The following PPP1R10 variants were observed in gnomAD, a reference collection of about 807,000 sequenced individuals.
PPP1R10 encodes serine/threonine-protein phosphatase 1 regulatory subunit 10.
A neutral mutation model predicts 99.0 loss-of-function variants in PPP1R10; 15 were observed. The ratio of observed to expected loss-of-function variants is 0.15; its 90% CI spans 0.10 to 0.23. The LOEUF (loss-of-function observed/expected upper bound fraction) is 0.23. Among genes scored for constraint, PPP1R10 ranks in the 10% least tolerant of loss-of-function variants. PPP1R10 has a pLI of 1.00. For missense variants in PPP1R10, 947 were observed against 1,259.4 expected, an observed-to-expected ratio of 0.75 and a Z score of 3.75; for synonymous variants, 430 against 449.5, an observed-to-expected ratio of 0.96 and a Z score of 0.55.
At chr6:30,605,337 C>T (rs564883977) in intron 10 of PPP1R10, among the ~76,000 whole-genome samples, 2 of 152,106 alleles carry the variant, frequency 1.3e-5, no homozygotes, top group South Asian at 2.1e-4. Context: ...AGGTAGCTGA[C>T]GAAGTGAGCC....
In PPP1R10 at chr6:30,609,997, G is replaced by T; in HGVS notation, c.-11-42C>A. Reference sequence around the variant, plus strand: ...AAACAAACAAACCCACAGAATAAATGGGTGGCAAGGACTACCCGAGTAGGC... The same window carrying T: ...AAACAAACAAACCCACAGAATAAATTGGTGGCAAGGACTACCCGAGTAGGC... On this transcript the variant is annotated intron_variant, in intron 2 of 19. Transcript: ENST00000376511. This position sits in a 1 kb window ranked among gnomAD's most constrained non-coding sequence, Gnocchi z 4.5. 7.1e-7 allele frequency: 1 copy of T among 1,399,250 alleles called. No individual in the cohort carries two copies. Among genetic ancestry groups the T allele is most frequent in the Non-Finnish European group, 1.0e-6 (1 of 985,194 alleles). 86.7% of individuals were successfully genotyped at this position (1,399,250 alleles called of 1,614,324 possible).
chr6:30,609,016 G>A lies in PPP1R10; in HGVS notation c.194+61C>T. On this transcript the variant is annotated intron_variant, in intron 4 of 19. Transcript: ENST00000376511. The surrounding 1 kb of genome is among the most constrained non-coding windows in gnomAD (Gnocchi z 4.5). ...CCCATCAATGACCGAGGAACCCCAT[G>A]CCTCACCGCCCCATCTTTTCGCTAC... 1.8e-5 allele frequency: 29 copies of A among 1,610,556 alleles called. No individual in the cohort carries two copies. Among genetic ancestry groups the A allele is most frequent in the Non-Finnish European group, 2.5e-5 (29 of 1,176,958 alleles).
chr6:30,602,976 G>A lies in PPP1R10; in HGVS notation c.1844-17C>T. 2.6e-6 allele frequency: 4 copies of A among 1,527,028 alleles called. No individual in the cohort carries two copies. Among genetic ancestry groups the A allele is most frequent in the South Asian group, 2.5e-5 (2 of 81,332 alleles). 94.6% of individuals were successfully genotyped at this position (1,527,028 alleles called of 1,614,324 possible). A position where few individuals can be genotyped will look rare whatever the true frequency, so the allele number is the denominator to read the frequency against. The stretch of plus-strand genomic sequence containing the variant: ...CATGTGGCACTGTTAATGAAAACAA[G>A]AGTAACACAGCATGAGCACTCTAGA... On this transcript the variant is annotated splice_polypyrimidine_tract_variant and intron_variant, in intron 17 of 19. Coordinates refer to ENST00000376511, the MANE Select transcript of PPP1R10 (RefSeq NM_002714.4). This position sits in a 1 kb window ranked among gnomAD's most constrained non-coding sequence, Gnocchi z 6.7.
chr6:30,606,073 A>G lies in PPP1R10; in HGVS notation c.741-38T>C. ...GAACTGTCATCAACATCTCCGACTC[A>G]CCCCCTCCTGCTCCCTTGTGTCCAC... On this transcript the variant is annotated intron_variant, in intron 9 of 19. Transcript: ENST00000376511. This position sits in a 1 kb window ranked among gnomAD's most constrained non-coding sequence, Gnocchi z 6.3. The G allele has an allele frequency of 1.2e-6, 2 of 1,612,072 alleles. No homozygotes were observed. Among genetic ancestry groups the G allele is most frequent in the Non-Finnish European group, 1.7e-6 (2 of 1,178,584 alleles).
rs747871891 is a variant in PPP1R10 at position 30,602,224 on chromosome 6, CACT to C, written c.2422_2424del (p.Ser808del). 3.5e-5 allele frequency: 56 copies of C among 1,611,316 alleles called. No individual in the cohort carries two copies. The highest frequency in any genetic ancestry group is 1.9e-4 in the African/African-American group (14 of 74,716). ...TCATGGGGACGATGGCCACTGCCAC[CACT>C]GATGCCACCGCCAGGGCCTTCGTGG... On this transcript the variant is annotated inframe_deletion, in exon 19 of 20. Coordinates refer to ENST00000376511, the MANE Select transcript of PPP1R10 (RefSeq NM_002714.4). The surrounding 1 kb of genome is among the most constrained non-coding windows in gnomAD (Gnocchi z 6.7).
At position 30,601,435 on chromosome 6, in the gene PPP1R10, G is replaced by A. The variant is rs1294216945; in HGVS notation, c.*114C>T. ...CAAGCAAGTGGGAACTGAGGGGGCC[G>A]GCTCCTCATCAGCTGGGGAAAAGGG... On this transcript the variant is annotated 3_prime_UTR_variant, in exon 20 of 20. Coordinates refer to ENST00000376511, the MANE Select transcript of PPP1R10 (RefSeq NM_002714.4). 3.6e-6 allele frequency: 3 copies of A among 840,444 alleles called. No homozygotes were observed. Among genetic ancestry groups the A allele is most frequent in the African/African-American group, 1.7e-5 (1 of 58,710 alleles). The allele number at this position is 840,444 out of a possible 1,614,324, so 52.1% of individuals were successfully genotyped here. A position where few individuals can be genotyped will look rare whatever the true frequency, so the allele number is the denominator to read the frequency against.
At position 30,602,799 on chromosome 6, in the gene PPP1R10, T is replaced by G. The variant is rs1561830101; in HGVS notation, c.1957+47A>C. ...AGTCAATCCTATACTATTATCAGACTGAAATTAAGCAGATAAGCCCATTCC... is the reference window on the plus strand; with the variant it reads ...AGTCAATCCTATACTATTATCAGACGGAAATTAAGCAGATAAGCCCATTCC... On this transcript the variant is annotated intron_variant, in intron 18 of 19. Coordinates refer to ENST00000376511, the MANE Select transcript of PPP1R10 (RefSeq NM_002714.4). The surrounding 1 kb of genome is among the most constrained non-coding windows in gnomAD (Gnocchi z 6.7). 8 of 1,547,372 alleles carry G rather than the reference T, an allele frequency of 5.2e-6. No individual in the cohort carries two copies. Among genetic ancestry groups the G allele is most frequent in the Non-Finnish European group, 7.0e-6 (8 of 1,140,880 alleles).
chr6:30,611,659 T>C lies in PPP1R10; in HGVS notation c.-11-1704A>G, dbSNP rs1363418934. Among the ~76,000 whole-genome samples, 3 of 152,074 alleles carry C rather than the reference T, an allele frequency of 2.0e-5. No individual in the cohort carries two copies. In the East Asian group the frequency reaches 5.8e-4, roughly 29 times the overall value. On this transcript the variant is annotated intron_variant, in intron 2 of 19. Coordinates refer to ENST00000376511, the MANE Select transcript of PPP1R10 (RefSeq NM_002714.4). ...TCCAAATGTGTAGGTCCTAACAACCTAGGCGAGCAGCAGCAGAAGCAGGGA... is the reference window on the plus strand; with the variant it reads ...TCCAAATGTGTAGGTCCTAACAACCCAGGCGAGCAGCAGCAGAAGCAGGGA...
Position 30,600,477 on chromosome 6 carries a change from C to T in PPP1R10, c.*1072G>A, listed in dbSNP as rs1357130622. On this transcript the variant is annotated 3_prime_UTR_variant, in exon 20 of 20. Transcript: ENST00000376511. ...AAAACCAAAAAAAAAAATACTCATC[C>T]TCAAATCCATTTTGGCTCTAACCCA... is the stretch of plus-strand genomic sequence containing the variant. 1 of 152,580 alleles carries T rather than the reference C, an allele frequency of 6.6e-6. No homozygotes were observed. The highest frequency in any genetic ancestry group is 2.4e-5 in the African/African-American group (1 of 41,412). The allele number at this position is 152,580 out of a possible 1,614,324, so 9.5% of individuals were successfully genotyped here. A position where few individuals can be genotyped will look rare whatever the true frequency, so the allele number is the denominator to read the frequency against.
intron 2 of PPP1R10, among the ~76,000 whole-genome samples, chr6:30,615,346 T>C (rs1165974863): frequency 6.6e-6 from 1 of 151,912 alleles, no homozygotes; most frequent in Non-Finnish European, 1.5e-5. Flanking sequence ...AAAAGAACAA[T>C]TTTCTGCAGG....
intron 19 of PPP1R10, 76 bp downstream of exon 19, chr6:30,601,857 CAGT>C: frequency 6.9e-7 from 1 of 1,439,910 alleles, no homozygotes; most frequent in Non-Finnish European, 9.1e-7. Flanking sequence ...TAGCTACCAA[CAGT>C]AGTGACTCTC....
In PPP1R10 at chr6:30,604,199, T is replaced by G; in HGVS notation, c.1317A>C (p.Ser439=). 2 of 1,614,228 alleles carry G rather than the reference T, an allele frequency of 1.2e-6. No homozygotes were observed. Among genetic ancestry groups the G allele is most frequent in the Non-Finnish European group, 1.7e-6 (2 of 1,180,042 alleles). Residue 439 remains serine (S), a synonymous_variant, in exon 14 of 20, where the codon TCA becomes TCC. Coordinates refer to ENST00000376511, the MANE Select transcript of PPP1R10 (RefSeq NM_002714.4). The surrounding 1 kb of genome is among the most constrained non-coding windows in gnomAD (Gnocchi z 7.3). ...FGEAAKREIL[S]DRHAFETARR... ...GCGCTGTCTCAAATGCATGTCGGTC[T>G]GACAGTATCTCTCGCTTAGCCGCCT...
At position 30,617,005 on chromosome 6, in the gene PPP1R10, TA is replaced by T; in HGVS notation, c.-532-8del. 1 of 152,266 alleles carries T rather than the reference TA, an allele frequency of 6.6e-6. No individual in the cohort carries two copies. Among genetic ancestry groups the T allele is most frequent in the Non-Finnish European group, 1.5e-5 (1 of 68,078 alleles). The allele number at this position is 152,266 out of a possible 1,614,324, so 9.4% of individuals were successfully genotyped here. A position where few individuals can be genotyped will look rare whatever the true frequency, so the allele number is the denominator to read the frequency against. Reference sequence around the variant, plus strand: ...TCTCCGAGAAAATTCAAACCTGGGATAAAAGGAACACAAGGGAGAAAGATGT... The same window carrying T: ...TCTCCGAGAAAATTCAAACCTGGGATAAAGGAACACAAGGGAGAAAGATGT... On this transcript the variant is annotated splice_region_variant and splice_polypyrimidine_tract_variant and intron_variant, in intron 1 of 19. Coordinates refer to ENST00000376511, the MANE Select transcript of PPP1R10 (RefSeq NM_002714.4).
chr6:30,606,200 ATTC>A lies in PPP1R10; in HGVS notation c.675_677del (p.Lys225del). 2 of 1,614,186 alleles carry A rather than the reference ATTC, an allele frequency of 1.2e-6. No individual in the cohort carries two copies. The highest frequency in any genetic ancestry group is 1.7e-6 in the Non-Finnish European group (2 of 1,180,036). ...TGTCAGAAACCACCACTGTGCTGGC[ATTC>A]TTCTTCACAGGCACCAAGGATGGTG... On this transcript the variant is annotated inframe_deletion, in exon 9 of 20. Transcript: ENST00000376511. This position sits in a 1 kb window ranked among gnomAD's most constrained non-coding sequence, Gnocchi z 6.3.
intron 5 of PPP1R10, 79 bp downstream of exon 5, chr6:30,608,700 C>G: frequency 6.7e-7 from 1 of 1,489,034 alleles, no homozygotes; most frequent in South Asian, 1.2e-5. Context: ...AAGATTACAG[C>G]CACATCAGTC....
chr6:30,606,567 T>C lies in PPP1R10; in HGVS notation c.535A>G (p.Lys179Glu). 2.5e-6 allele frequency: 4 copies of C among 1,614,206 alleles called. No individual in the cohort carries two copies. The highest frequency in any genetic ancestry group is 3.4e-6 in the Non-Finnish European group (4 of 1,180,042). ...GCCTCCTCAGCCCGGGTCTCAGCCT[T>C]CACCTCTGTCAAAGGTCGCTCAGGA... ...TLPERPLTEV[K>E]AETRAEEAPE... The change falls in exon 8 of 20, where the codon AAG (lysine) becomes GAG (glutamate). Residue 179 changes from lysine to glutamate, a missense_variant. By Grantham distance (56) the Lys-to-Glu change is moderately conservative (BLOSUM62 1). Coordinates refer to ENST00000376511, the MANE Select transcript of PPP1R10 (RefSeq NM_002714.4). The surrounding 1 kb of genome is among the most constrained non-coding windows in gnomAD (Gnocchi z 6.3).
In PPP1R10 at chr6:30,604,279, G is replaced by A. The variant is rs201551393; in HGVS notation, c.1262-25C>T. On this transcript the variant is annotated intron_variant, in intron 13 of 19. Coordinates refer to ENST00000376511, the MANE Select transcript of PPP1R10 (RefSeq NM_002714.4). This position sits in a 1 kb window ranked among gnomAD's most constrained non-coding sequence, Gnocchi z 7.3. ...ACTGTCGGCAGGGGAAGAAAAGCAA[G>A]AGGGAAAGTAAGCACAACCAAGTCC... 5 of 1,613,842 alleles carry A rather than the reference G, an allele frequency of 3.1e-6. No individual in the cohort carries two copies. The Admixed American group carries it at 5.0e-5, about 16-fold the overall frequency.
At position 30,601,288 on chromosome 6, in the gene PPP1R10, A is replaced by C; in HGVS notation, c.*261T>G. 5.8e-6 allele frequency: 3 copies of C among 515,938 alleles called. No individual in the cohort carries two copies. The highest frequency in any genetic ancestry group is 1.0e-5 in the Non-Finnish European group (3 of 290,928). The allele number at this position is 515,938 out of a possible 1,614,324, so 32.0% of individuals were successfully genotyped here. ...GGGGTACAGGGCGAATCTTCTCAAA[A>C]AGTGAAGCCAACTGGGTCTCCTCTT... On this transcript the variant is annotated 3_prime_UTR_variant, in exon 20 of 20. Transcript: ENST00000376511.
rs1803299306 is a variant in PPP1R10, at chr6:30,601,424, C to T, written c.*125G>A. On this transcript the variant is annotated 3_prime_UTR_variant, in exon 20 of 20. Transcript: ENST00000376511. Reference sequence around the variant, plus strand: ...CCCCAGGAACCCAAGCAAGTGGGAACTGAGGGGGCCGGCTCCTCATCAGCT... The same window carrying T: ...CCCCAGGAACCCAAGCAAGTGGGAATTGAGGGGGCCGGCTCCTCATCAGCT... The T allele has an allele frequency of 2.7e-6, 2 of 749,788 alleles. No homozygotes were observed. The highest frequency in any genetic ancestry group is 1.8e-5 in the African/African-American group (1 of 56,730). 46.4% of individuals were successfully genotyped at this position (749,788 alleles called of 1,614,324 possible). A position where few individuals can be genotyped will look rare whatever the true frequency, so the allele number is the denominator to read the frequency against.
Sources: gnomAD v4.1 joint callset for allele counts (sites outside exome capture counted in the v4.1 genomes callset) on GRCh38, gnomAD v4.1.1 for gene constraint, Gnocchi (gnomAD v3.1) non-coding constraint, MANE v1.5 for transcripts, NCBI Gene and HGNC (gene_info 2026-07-23, HGNC 2026-07-21) for gene names.